ZNF184: variants seen among roughly 807,000 people sequenced by gnomAD.
ZNF184 encodes the protein zinc finger protein 184.
Under a neutral mutation model 54.4 loss-of-function variants are expected in ZNF184, and 16 were observed. The observed-to-expected ratio is 0.29, with a 90% confidence interval of 0.20 to 0.45. ZNF184 has a LOEUF of 0.45. Ranked by LOEUF, ZNF184 falls within the 20% of genes least tolerant of loss-of-function variation. ZNF184 has a pLI of 1.00. For synonymous variants in ZNF184, 254 were observed against 295.3 expected, an observed-to-expected ratio of 0.86 and a Z score of 1.43; for missense variants, 681 against 888.2, an observed-to-expected ratio of 0.77 and a Z score of 2.97.
the ZNF184 span, among the ~76,000 whole-genome samples, chr6:27,445,186 C>T: frequency 1.3e-5 from 2 of 152,130 alleles, no homozygotes; most frequent in African/African-American, 4.8e-5. Flanking sequence ...TAATTGCCTC[C>T]ACCTGGAAAC....
the ZNF184 span, chr6:27,405,047 T>C: frequency 1.3e-5 from 2 of 151,962 alleles, no homozygotes; most frequent in African/African-American, 4.8e-5. Flanking sequence ...TAATACCTGA[T>C]AGGAAAGTAC....
At chr6:27,449,862 T>C (rs1762680192), downstream of ZNF184, among the ~76,000 whole-genome samples, 1 of 152,174 alleles carries the variant, frequency 6.6e-6, no homozygotes, top group African/African-American at 2.4e-5. Flanking sequence ...ATATGACTTG[T>C]ATATTACAAT....
At chr6:27,410,844 T>G in the ZNF184 span, among the ~76,000 whole-genome samples, 1 of 152,152 alleles carries the variant, frequency 6.6e-6, no homozygotes, top group Non-Finnish European at 1.5e-5. Flanking sequence ...GGGAGGTTTT[T>G]GATCATGGTG....
Position 27,451,081 on chromosome 6 carries a change from A to G in ZNF184, c.*222T>C, listed in dbSNP as rs1291371298. 2.2e-6 allele frequency: 1 copy of G among 453,600 alleles called. No individual in the cohort carries two copies. The highest frequency in any genetic ancestry group is 3.8e-6 in the Non-Finnish European group (1 of 263,062). The allele number at this position is 453,600 out of a possible 1,614,324, so 28.1% of individuals were successfully genotyped here. A position where few individuals can be genotyped will look rare whatever the true frequency, so the allele number is the denominator to read the frequency against. On this transcript the variant is annotated 3_prime_UTR_variant, in exon 6 of 6. Transcript: ENST00000683788. ...ATCTACTCCAAATCCTTCATTCCAT[A>G]AAGGAAACTAAAGCTTAAAACAGTA...
downstream of ZNF184, among the ~76,000 whole-genome samples, chr6:27,446,761 A>G (rs1040580718): frequency 6.6e-6 from 1 of 152,194 alleles, no homozygotes; most frequent in Non-Finnish European, 1.5e-5. Flanking sequence ...GGACTGAACC[A>G]TTGGAGCAGG....
the ZNF184 span, among the ~76,000 whole-genome samples, chr6:27,442,904 A>AAAG: frequency 6.7e-6 from 1 of 149,000 alleles, no homozygotes; most frequent in South Asian, 2.2e-4. Context: ...AAGAAAAAAA[A>AAAG]AAAGAAAAGA....
At position 27,452,126 on chromosome 6, in the gene ZNF184, T is replaced by C. The variant is rs1462550771; in HGVS notation, c.1433A>G (p.Glu478Gly). ...GCAGTAACTGAAGGCCTTTCCACAT[T>C]CATTGCATTTGTAAGGTTTTTCTCC... ...HTGEKPYKCN[E>G]CGKAFSYCSS... Residue 478 changes from glutamate (E) to glycine (G), a missense_variant, in exon 6 of 6, where the codon GAA (glutamate) becomes GGA (glycine). Coordinates refer to ENST00000683788, the MANE Select transcript of ZNF184 (RefSeq NM_001318891.2). The surrounding 1 kb of genome is among the most constrained non-coding windows in gnomAD (Gnocchi z 5.5). The C allele has an allele frequency of 1.2e-6, 2 of 1,614,148 alleles. No homozygotes were observed. Among genetic ancestry groups the C allele is most frequent in the Non-Finnish European group, 1.7e-6 (2 of 1,180,008 alleles).
chr6:27,445,568 T>C, the ZNF184 span, among the ~76,000 whole-genome samples: 1 of 152,150 alleles, frequency 6.6e-6, no homozygotes, highest in African/African-American at 2.4e-5. Context: ...TGCCCTCCCT[T>C]GCCACATGAT....
At chr6:27,440,530 A>G in the ZNF184 span, among the ~76,000 whole-genome samples, 3 of 152,224 alleles carry the variant, frequency 2.0e-5, no homozygotes, top group African/African-American at 4.8e-5. Flanking sequence ...ATCCTCTGGT[A>G]TACTGACACA....
rs1360367362 is a variant in ZNF184, at chr6:27,452,449, G to A, written c.1110C>T (p.Thr370=). The A allele has an allele frequency of 1.1e-5, 17 of 1,614,014 alleles. No homozygotes were observed. The highest frequency in any genetic ancestry group is 1.7e-4 in the Middle Eastern group (1 of 6,060). ...GAGTAAGGTGTGTGCTCCTGGTGAAGGTTTTATCACATTCATCACATTTAA... is the reference window on the plus strand; with the variant it reads ...GAGTAAGGTGTGTGCTCCTGGTGAAAGTTTTATCACATTCATCACATTTAA... ...KPFKCDECDK[T]FTRSTHLTQH... is the part of the protein sequence containing the mutation. Residue 370 remains threonine (T), a synonymous_variant, in exon 6 of 6, where the codon ACC becomes ACT. Coordinates refer to ENST00000683788, the MANE Select transcript of ZNF184 (RefSeq NM_001318891.2). This position sits in a 1 kb window ranked among gnomAD's most constrained non-coding sequence, Gnocchi z 5.5.
chr6:27,452,032 C>T lies in ZNF184; in HGVS notation c.1527G>A (p.Lys509=), dbSNP rs749706124. ...EKPFECSECG[K]AFSYLSNLNQ... ...TAAGGTTTGAGAGATAACTGAAAGC[C>T]TTTCCACATTCACTGCATTCAAAGG... Residue 509 remains lysine, a synonymous_variant, in exon 6 of 6, where the codon AAG becomes AAA. Coordinates refer to ENST00000683788, the MANE Select transcript of ZNF184 (RefSeq NM_001318891.2). This position sits in a 1 kb window ranked among gnomAD's most constrained non-coding sequence, Gnocchi z 5.5. 1.2e-6 allele frequency: 2 copies of T among 1,613,806 alleles called. No individual in the cohort carries two copies. The highest frequency in any genetic ancestry group is 1.7e-6 in the Non-Finnish European group (2 of 1,180,010).
At chr6:27,410,440 A>G in the ZNF184 span, among the ~76,000 whole-genome samples, 711 of 152,346 alleles carry the variant, frequency 4.7e-3, 22 homozygotes, top group Admixed American at 0.044. Flanking sequence ...TTCGTTGAAA[A>G]GAAATTGGTG....
chr6:27,406,216 A>AGT, the ZNF184 span: 1 of 152,194 alleles, frequency 6.6e-6, no homozygotes, highest in African/African-American at 2.4e-5. Flanking sequence ...TCCACCACAC[A>AGT]GTGGCACCAT....
At chr6:27,439,358 T>G in the ZNF184 span, among the ~76,000 whole-genome samples, 1 of 152,216 alleles carries the variant, frequency 6.6e-6, no homozygotes, top group African/African-American at 2.4e-5. Flanking sequence ...TGTGCTTCAT[T>G]ATGAGTAGCA....
At chr6:27,465,048 A>G (rs1470055390) in intron 3 of ZNF184, among the ~76,000 whole-genome samples, 34 of 146,570 alleles carry the variant, frequency 2.3e-4, no homozygotes, top group Non-Finnish European at 1.5e-5. Context: ...TAGAGCTTCT[A>G]TCATGTGAGG....
chr6:27,421,982 G>A, the ZNF184 span, among the ~76,000 whole-genome samples: 4 of 151,608 alleles, frequency 2.6e-5, no homozygotes, highest in Admixed American at 2.6e-4. Flanking sequence ...GAGGTGGGAG[G>A]ATCGATTGAG....
At chr6:27,414,508 C>T in the ZNF184 span, among the ~76,000 whole-genome samples, 1 of 152,036 alleles carries the variant, frequency 6.6e-6, no homozygotes, top group African/African-American at 2.4e-5. Context: ...CCACACTGGC[C>T]TCTTTGTTAT....
intron 3 of ZNF184, among the ~76,000 whole-genome samples, chr6:27,461,996 A>G (rs1396393110): frequency 6.6e-6 from 1 of 152,232 alleles, no homozygotes; most frequent in Non-Finnish European, 1.5e-5. Flanking sequence ...CCAGCACTCA[A>G]AAAGGGTTAG....
intron 3 of ZNF184, among the ~76,000 whole-genome samples, chr6:27,460,817 C>T (rs1272737110): frequency 6.6e-6 from 1 of 152,174 alleles, no homozygotes; most frequent in African/African-American, 2.4e-5. Context: ...ACTTTAGGAG[C>T]AGGGCAAGTC....
Sources: gnomAD v4.1 joint callset for allele counts (sites outside exome capture counted in the v4.1 genomes callset) on GRCh38, gnomAD v4.1.1 for gene constraint, Gnocchi (gnomAD v3.1) non-coding constraint, MANE v1.5 for transcripts, NCBI Gene and HGNC (gene_info 2026-07-23, HGNC 2026-07-21) for gene names.